Variants in GASK1A observed in about 807,000 individuals in gnomAD.
GASK1A encodes Golgi-associated kinase 1A.
A neutral mutation model predicts 41.2 loss-of-function variants in GASK1A; 40 were observed. That is an observed-to-expected ratio of 0.97 (90% CI 0.75 to 1.27). The LOEUF is 1.27. Ranked by LOEUF, GASK1A falls within the 50% of genes most tolerant of loss-of-function variation. The pLI is 0.00. For synonymous variants in GASK1A, 316 were observed against 307.1 expected (o/e 1.03, Z -0.30); for missense variants, 678 against 745.1 (o/e 0.91, Z 1.05).
intron 1 of GASK1A, among the ~76,000 whole-genome samples, chr3:43,029,771 A>C (rs2125685601): frequency 6.6e-6 from 1 of 152,294 alleles, no homozygotes; most frequent in Middle Eastern, 3.4e-3. Context: ...GGCACTTTTT[A>C]CAGCTGGGCT....
At chr3:43,010,537 T>A (rs1028580526) in intron 1 of GASK1A, among the ~76,000 whole-genome samples, 5 of 152,274 alleles carry the variant, frequency 3.3e-5, no homozygotes, top group African/African-American at 1.2e-4. Flanking sequence ...CTGAAACGAT[T>A]TTTTGAATTG....
intron 1 of GASK1A, among the ~76,000 whole-genome samples, chr3:42,987,734 C>A (rs1005592994): frequency 6.6e-6 from 1 of 151,952 alleles, no homozygotes; most frequent in Admixed American, 6.6e-5. Flanking sequence ...TGTGGTGGCT[C>A]ACACCTGTAA....
intron 2 of GASK1A, among the ~76,000 whole-genome samples, chr3:43,039,865 G>A: frequency 6.6e-6 from 1 of 152,196 alleles, no homozygotes; most frequent in East Asian, 1.9e-4. Flanking sequence ...CCTATTTTCT[G>A]TTGGGTTGTT....
At chr3:43,000,220 G>A (rs1214854438) in intron 1 of GASK1A, among the ~76,000 whole-genome samples, 1 of 150,670 alleles carries the variant, frequency 6.6e-6, no homozygotes, top group Non-Finnish European at 1.5e-5. Flanking sequence ...CTGGAGCTGC[G>A]TGCTCCTGGG....
intron 1 of GASK1A, among the ~76,000 whole-genome samples, chr3:42,996,416 T>C (rs2089369904): frequency 1.3e-5 from 2 of 152,350 alleles, no homozygotes; most frequent in Admixed American, 1.3e-4. Context: ...GTTACCACCA[T>C]AAGAGGGCTT....
At chr3:42,988,403 G>T (rs1227438496) in intron 1 of GASK1A, among the ~76,000 whole-genome samples, 1 of 152,192 alleles carries the variant, frequency 6.6e-6, no homozygotes, top group Admixed American at 6.5e-5. Flanking sequence ...CAGGTTCATG[G>T]TTCTATAAGA....
chr3:42,979,671 G>A (rs1044632216), intron 1 of GASK1A, 26 bp downstream of exon 1: 2 of 1,245,974 alleles, frequency 1.6e-6, no homozygotes, highest in Non-Finnish European at 2.0e-6. Context: ...AGGAACGCGC[G>A]AGCGGAGGGT....
At chr3:43,037,608 A>G (rs2089610525) in intron 2 of GASK1A, among the ~76,000 whole-genome samples, 1 of 105,442 alleles carries the variant, frequency 9.5e-6, no homozygotes, top group Admixed American at 1.1e-4. Flanking sequence ...AGAGATTTAA[A>G]TGATACATTT....
intron 2 of GASK1A, among the ~76,000 whole-genome samples, chr3:43,046,353 G>A (rs959278199): frequency 9.2e-5 from 14 of 152,328 alleles, no homozygotes; most frequent in Non-Finnish European, 1.6e-4. Flanking sequence ...AGAAACTGGC[G>A]GCATTTTGCC....
In GASK1A at chr3:43,011,971, G is replaced by A. The variant is rs76182004; in HGVS notation, c.4-20296G>A. Among the ~76,000 whole-genome samples, 145 of 151,952 alleles carry A rather than the reference G, an allele frequency of 9.5e-4. 2 individuals carry two copies. The East Asian group carries it at 0.022, about 23-fold the overall frequency. On this transcript the variant is annotated intron_variant, in intron 1 of 4. Coordinates refer to ENST00000430121, the MANE Select transcript of GASK1A (RefSeq NM_001129908.3). ...CAGTGTGAAGCCAAAGGAAGGAGCAGTGTGAAGCCAAATAAAGGGGCTGTG... is the reference window on the plus strand; with the variant it reads ...CAGTGTGAAGCCAAAGGAAGGAGCAATGTGAAGCCAAATAAAGGGGCTGTG...
chr3:43,041,414 A>G (rs1418902621), intron 2 of GASK1A, among the ~76,000 whole-genome samples: 2 of 152,174 alleles, frequency 1.3e-5, no homozygotes, highest in Admixed American at 6.5e-5. Flanking sequence ...AATGATTGCC[A>G]TTCTAACTGG....
chr3:43,004,790 T>A (rs544743890), intron 1 of GASK1A, among the ~76,000 whole-genome samples: 70 of 152,222 alleles, frequency 4.6e-4, no homozygotes, highest in Admixed American at 1.2e-3. Context: ...ACAGATGTAT[T>A]AGCTTCGTAT....
chr3:43,053,801 A>G (rs1251972336), intron 3 of GASK1A, 158 bp downstream of exon 3: 1 of 870,860 alleles, frequency 1.1e-6, no homozygotes, highest in Non-Finnish European at 1.9e-6. Flanking sequence ...TATTTCCAGG[A>G]GTCCGCAATA....
At chr3:43,041,120 A>G (rs1375587354) in intron 2 of GASK1A, among the ~76,000 whole-genome samples, 2 of 149,630 alleles carry the variant, frequency 1.3e-5, no homozygotes, top group East Asian at 2.0e-4. Context: ...AATCCAGTCT[A>G]TCATTGTTGG....
In GASK1A at chr3:43,003,984, T is replaced by C. The variant is rs1367566841; in HGVS notation, c.3+24339T>C. Among the ~76,000 whole-genome samples, 3 of 152,220 alleles carry C rather than the reference T, an allele frequency of 2.0e-5. No individual in the cohort carries two copies. In the South Asian group the frequency reaches 6.2e-4, roughly 32 times the overall value. On this transcript the variant is annotated intron_variant, in intron 1 of 4. Coordinates refer to ENST00000430121, the MANE Select transcript of GASK1A (RefSeq NM_001129908.3). The stretch of plus-strand genomic sequence containing the variant: ...TGAATATATGCATTTCATTCATTTA[T>C]TTATTCATTCATTCATTCGTTTAGG...
intron 1 of GASK1A, among the ~76,000 whole-genome samples, chr3:43,017,225 G>A (rs73832420): frequency 0.015 from 2,224 of 151,300 alleles, 40 homozygotes; most frequent in African/African-American, 0.045. Context: ...GGGAGGGATA[G>A]TGTGAAATCA....
intron 2 of GASK1A, among the ~76,000 whole-genome samples, chr3:43,034,493 A>G (rs1017416005): frequency 6.6e-6 from 1 of 152,208 alleles, no homozygotes; most frequent in Non-Finnish European, 1.5e-5. Flanking sequence ...GTGTGGAAAC[A>G]TGGCCAGACA....
At chr3:43,016,839 G>T (rs2089493921) in intron 1 of GASK1A, among the ~76,000 whole-genome samples, 1 of 151,464 alleles carries the variant, frequency 6.6e-6, no homozygotes, top group African/African-American at 2.4e-5. Flanking sequence ...ATAGGAAGGG[G>T]CTATGTGAAG....
chr3:42,996,142 C>T (rs1054407535), intron 1 of GASK1A, among the ~76,000 whole-genome samples: 1 of 152,180 alleles, frequency 6.6e-6, no homozygotes, highest in Admixed American at 6.5e-5. Context: ...AGAGACACTC[C>T]GTTGACATTC....
Sources: allele counts gnomAD v4.1 joint callset (sites outside exome capture counted in the v4.1 genomes callset), GRCh38; gene constraint gnomAD v4.1.1; transcripts MANE v1.5; gene names NCBI Gene and HGNC (gene_info 2026-07-23, HGNC 2026-07-21).